The following CADM2 variants were observed in gnomAD, a reference collection of about 807,000 sequenced individuals.
CADM2 encodes the protein immunoglobulin superfamily member 4D.
Under a neutral mutation model 49.8 loss-of-function variants are expected in CADM2, and 12 were observed. The ratio of observed to expected loss-of-function variants is 0.24; its 90% CI spans 0.15 to 0.39. The LOEUF (loss-of-function observed/expected upper bound fraction) is 0.39. Among genes scored for constraint, CADM2 ranks in the 10% least tolerant of loss-of-function variants. The probability of loss-of-function intolerance (pLI) is 1.00; values close to 1 mark genes in which losing one functional copy is unlikely to be tolerated. For missense variants in CADM2, 378 were observed against 492.3 expected, an observed-to-expected ratio of 0.77 and a Z score of 2.20; for synonymous variants, 214 against 175.4, an observed-to-expected ratio of 1.22 and a Z score of -1.74.
chr3:86,001,805 T>C (rs1356945203), intron 8 of CADM2, among the ~76,000 whole-genome samples: 3 of 152,148 alleles, frequency 2.0e-5, no homozygotes, highest in African/African-American at 4.8e-5. Flanking sequence ...AAATCATAGC[T>C]AAAATTTAAT....
intron 1 of CADM2, among the ~76,000 whole-genome samples, chr3:84,964,871 C>T (rs1259098800): frequency 6.6e-6 from 1 of 152,130 alleles, no homozygotes; most frequent in South Asian, 2.1e-4. Flanking sequence ...TATGAAAGCA[C>T]TCATACTTTG....
intron 1 of CADM2, among the ~76,000 whole-genome samples, chr3:85,714,381 T>C (rs184626011): frequency 3.3e-5 from 5 of 152,160 alleles, no homozygotes; most frequent in African/African-American, 9.7e-5. Context: ...ACTTCTCTTA[T>C]GAAAACTTTT....
intron 1 of CADM2, among the ~76,000 whole-genome samples, chr3:85,684,445 A>G (rs1191476761): frequency 1.4e-5 from 2 of 142,648 alleles, no homozygotes; most frequent in Non-Finnish European, 3.1e-5. Context: ...ACACTTTGAC[A>G]GAGAGAGAGA....
intron 1 of CADM2, among the ~76,000 whole-genome samples, chr3:85,151,157 A>G (rs2039910877): frequency 2.0e-5 from 3 of 152,022 alleles, no homozygotes; most frequent in South Asian, 2.1e-4. Flanking sequence ...TCCATGATCA[A>G]TGTTGCCTTT....
At chr3:85,635,430 A>G (rs1346443475) in intron 1 of CADM2, among the ~76,000 whole-genome samples, 3 of 152,166 alleles carry the variant, frequency 2.0e-5, no homozygotes, top group Non-Finnish European at 2.9e-5. Context: ...AATCTCGAAG[A>G]AGTACAGTGA....
In CADM2 at chr3:85,627,624, T is replaced by A. The variant is rs527561909; in HGVS notation, c.62-98898T>A. Among the ~76,000 whole-genome samples, 27 of 152,052 alleles carry A rather than the reference T, an allele frequency of 1.8e-4. No individual in the cohort carries two copies. In the South Asian group the frequency reaches 3.5e-3, roughly 20 times the overall value. ...AGAACCCGGGGTGCTCAAACAAAGA[T>A]AACTATGGCTCTTTCATTCACTCAA... is the stretch of plus-strand genomic sequence containing the variant. On this transcript the variant is annotated intron_variant, in intron 1 of 9. Coordinates refer to ENST00000383699, the MANE Select transcript of CADM2 (RefSeq NM_001167675.2).
chr3:85,391,070 G>A (rs2034495354), intron 1 of CADM2, among the ~76,000 whole-genome samples: 1 of 151,962 alleles, frequency 6.6e-6, no homozygotes, highest in Non-Finnish European at 1.5e-5. Context: ...AGATCCAGAG[G>A]CTATACTTCA....
At chr3:85,380,825 A>G (rs2033860650) in intron 1 of CADM2, among the ~76,000 whole-genome samples, 1 of 151,980 alleles carries the variant, frequency 6.6e-6, no homozygotes, top group Non-Finnish European at 1.5e-5. Flanking sequence ...GTAAAATCAT[A>G]AGGAGCTGTA....
chr3:85,750,138 A>C (rs1314925299), intron 2 of CADM2, among the ~76,000 whole-genome samples: 1 of 152,014 alleles, frequency 6.6e-6, no homozygotes, highest in African/African-American at 2.4e-5. Context: ...TGTATCCCAT[A>C]TCTTTCTGTT....
chr3:85,051,890 C>A (rs1451276764), intron 1 of CADM2, among the ~76,000 whole-genome samples: 1 of 152,100 alleles, frequency 6.6e-6, no homozygotes, highest in African/African-American at 2.4e-5. Flanking sequence ...AAACTCCCCA[C>A]TGAGATATTG....
At chr3:85,043,430 A>C (rs2035523810) in intron 1 of CADM2, among the ~76,000 whole-genome samples, 1 of 152,010 alleles carries the variant, frequency 6.6e-6, no homozygotes, top group Admixed American at 6.6e-5. Context: ...CTGTAATCTA[A>C]GCTCTTTAAG....
At chr3:85,296,516 A>G (rs2043968572) in intron 1 of CADM2, among the ~76,000 whole-genome samples, 1 of 151,998 alleles carries the variant, frequency 6.6e-6, no homozygotes, top group African/African-American at 2.4e-5. Flanking sequence ...TCAGATGATT[A>G]GGCCAGATAT....
At chr3:85,718,571 C>G (rs994413457) in intron 1 of CADM2, among the ~76,000 whole-genome samples, 1 of 151,928 alleles carries the variant, frequency 6.6e-6, no homozygotes, top group African/African-American at 2.4e-5. Context: ...GGTACTGACT[C>G]ATGAACTTTA....
intron 1 of CADM2, among the ~76,000 whole-genome samples, chr3:85,135,290 G>C (rs2039380839): frequency 1.3e-5 from 2 of 151,608 alleles, no homozygotes; most frequent in Non-Finnish European, 3.0e-5. Flanking sequence ...GTAAACCTTT[G>C]GACATGACCA....
intron 1 of CADM2, among the ~76,000 whole-genome samples, chr3:85,097,005 T>A (rs535004449): frequency 8.5e-5 from 13 of 152,214 alleles, no homozygotes; most frequent in South Asian, 8.3e-4. Context: ...GGATTTTTTT[T>A]ATTATTATTA....
intron 3 of CADM2, among the ~76,000 whole-genome samples, chr3:85,834,506 G>A (rs543524608): frequency 6.6e-6 from 1 of 151,684 alleles, no homozygotes; most frequent in Non-Finnish European, 1.5e-5. Context: ...TCCTATGTAT[G>A]GACTTGTGTT....
chr3:86,036,188 G>T (rs1735132282), intron 8 of CADM2, among the ~76,000 whole-genome samples: 1 of 152,022 alleles, frequency 6.6e-6, no homozygotes, highest in African/African-American at 2.4e-5. Flanking sequence ...AATATATTAA[G>T]TCTATGCCCA....
intron 1 of CADM2, among the ~76,000 whole-genome samples, chr3:85,621,953 T>C (rs2063989455): frequency 6.6e-6 from 1 of 152,200 alleles, no homozygotes; most frequent in South Asian, 2.1e-4. Context: ...GCTTAGGATT[T>C]CTCGAAGGGT....
At chr3:85,214,311 GC>G (rs1428686804) in intron 1 of CADM2, among the ~76,000 whole-genome samples, 2 of 152,074 alleles carry the variant, frequency 1.3e-5, no homozygotes, top group African/African-American at 4.8e-5. Context: ...TCTTTGCTGA[GC>G]TGCCTAGAGC....
Sources: gnomAD v4.1 joint callset for allele counts (sites outside exome capture counted in the v4.1 genomes callset) on GRCh38, gnomAD v4.1.1 for gene constraint, MANE v1.5 for transcripts, NCBI Gene and HGNC (gene_info 2026-07-23, HGNC 2026-07-21) for gene names.